The following MDN1 variants were observed in gnomAD, a reference collection of about 807,000 sequenced individuals.
The protein encoded by MDN1 is midasin AAA ATPase 1.
A neutral mutation model predicts 669.2 loss-of-function variants in MDN1; 266 were observed. The ratio of observed to expected loss-of-function variants is 0.40; its 90% CI spans 0.36 to 0.44. The LOEUF is 0.44. Ranked by LOEUF, MDN1 falls within the 20% of genes least tolerant of loss-of-function variation. The probability of loss-of-function intolerance (pLI) is 1.00; values close to 1 mark genes in which losing one functional copy is unlikely to be tolerated. For synonymous variants in MDN1, 2,385 were observed against 2,457.1 expected, an observed-to-expected ratio of 0.97 and a Z score of 0.87; for missense variants, 5,940 against 6,754.0, an observed-to-expected ratio of 0.88 and a Z score of 4.22.
In MDN1 at chr6:89,700,726, G is replaced by A. The variant is rs749595960; in HGVS notation, c.8558C>T (p.Ser2853Phe). The A allele has an allele frequency of 1.2e-6, 2 of 1,614,172 alleles. No homozygotes were observed. Among genetic ancestry groups the A allele is most frequent in the East Asian group, 2.2e-5 (1 of 44,886 alleles). ...EDINRLQVVASQWTLKKSLLQ... is the reference protein window; with the variant it reads ...EDINRLQVVAFQWTLKKSLLQ... ...GAGACTTTTCTTTAATGTCCACTGAGAAGCAACCACTTGGAGACGGTTAAT... is the reference window on the plus strand; with the variant it reads ...GAGACTTTTCTTTAATGTCCACTGAAAAGCAACCACTTGGAGACGGTTAAT... Residue 2853 changes from serine to phenylalanine, a missense_variant, in exon 56 of 102, where the codon TCT becomes TTT. Around this residue, in one of 5 missense-constraint regions of MDN1, gnomAD observed 2,292 missense variants for 2,638.3 expected, o/e 0.87. Transcript: ENST00000369393.
chr6:89,664,738 A>G, intron 84 of MDN1, 110 bp from the exon 85 acceptor site: 2 of 800,058 alleles, frequency 2.5e-6, no homozygotes, highest in Non-Finnish European at 3.7e-6. Flanking sequence ...TGGGAGAGGA[A>G]AAAAAAAGAG....
chr6:89,734,691 A>AAACGAGAGAGAGAGAG (rs1554188774), intron 33 of MDN1, among the ~76,000 whole-genome samples: 1 of 112,988 alleles, frequency 8.9e-6, no homozygotes, highest in Non-Finnish European at 1.7e-5. Flanking sequence ...AAAAAAAAAC[A>AAACGAGAGAGAGAGAG]AGAGAGAGAG....
intron 41 of MDN1, 42 bp from the exon 42 acceptor site, chr6:89,719,072 T>C (rs369009416): frequency 9.9e-6 from 16 of 1,613,398 alleles, no homozygotes; most frequent in African/African-American, 1.3e-5. Flanking sequence ...GCGTGCCTGG[T>C]AGTGGGAGCA....
rs7752400 is a variant in MDN1 at position 89,682,721 on chromosome 6, A to C, written c.12102+411T>G. 1.6e-4 allele frequency among the ~76,000 whole-genome samples: 24 copies of C among 148,430 alleles called. 3 individuals carry two copies. Among genetic ancestry groups the C allele is most frequent in the Admixed American group, 8.7e-4 (13 of 14,904 alleles). On this transcript the variant is annotated intron_variant, in intron 73 of 101. Transcript: ENST00000369393. ...TCTTAAAAAAAAAAAAAAAAAAAAA[A>C]AAAAAACTAAAAGTTCAAGACCAGC...
chr6:89,706,221 C>G, intron 52 of MDN1, 29 bp from the exon 53 acceptor site: 1 of 1,591,638 alleles, frequency 6.3e-7, no homozygotes, highest in African/African-American at 1.3e-5. Context: ...AAAATGAGAA[C>G]ATTTCATCAG....
chr6:89,793,714 G>T, intron 5 of MDN1, 48 bp downstream of exon 5: 1 of 1,500,984 alleles, frequency 6.7e-7, no homozygotes, highest in Non-Finnish European at 9.1e-7. Flanking sequence ...AGCACACTCA[G>T]TGTTTAGTAG....
chr6:89,819,702 A>T lies in MDN1; in HGVS notation c.-95T>A. The T allele has an allele frequency of 1.0e-6, 1 of 997,346 alleles. No homozygotes were observed. Among genetic ancestry groups the T allele is most frequent in the East Asian group, 2.4e-5 (1 of 41,644 alleles). 61.8% of individuals were successfully genotyped at this position (997,346 alleles called of 1,614,324 possible). On this transcript the variant is annotated 5_prime_UTR_variant, in exon 1 of 102. Transcript: ENST00000369393. ...AGGTCCCAGTGCCCGAGCAGCCAGC[A>T]ACTACGCCCGCAGGAAAGGCGTCCT... is the stretch of plus-strand genomic sequence containing the variant.
intron 40 of MDN1, among the ~76,000 whole-genome samples, chr6:89,721,379 C>G (rs553949185): frequency 6.6e-6 from 1 of 152,286 alleles, no homozygotes; most frequent in East Asian, 1.9e-4. Flanking sequence ...TTGTCTGGAC[C>G]AGCTTAACGG....
intron 65 of MDN1, among the ~76,000 whole-genome samples, chr6:89,689,063 G>C (rs182423837): frequency 7.6e-4 from 116 of 152,288 alleles, no homozygotes; most frequent in Non-Finnish European, 1.4e-3. Flanking sequence ...CTTCTTGCGG[G>C]CCTGAGGCAC....
intron 39 of MDN1, 65 bp from the exon 40 acceptor site, chr6:89,723,208 T>C (rs1400024500): frequency 1.4e-6 from 2 of 1,459,480 alleles, no homozygotes; most frequent in East Asian, 2.3e-5. Context: ...CATTAAGTAC[T>C]AGGAATGTAC....
intron 61 of MDN1, 37 bp from the exon 62 acceptor site, chr6:89,694,220 A>G (rs1331177250): frequency 6.5e-7 from 1 of 1,529,304 alleles, no homozygotes; most frequent in Admixed American, 1.7e-5. Flanking sequence ...ACTGTGTCCC[A>G]GCTATGACCA....
chr6:89,731,231 T>A (rs1815574118), intron 34 of MDN1, among the ~76,000 whole-genome samples: 2 of 152,176 alleles, frequency 1.3e-5, no homozygotes, highest in African/African-American at 2.4e-5. Flanking sequence ...TCTTCATGGC[T>A]GAAAAACCAC....
In MDN1 at chr6:89,694,142, T is replaced by A; in HGVS notation, c.9813A>T (p.Ser3271=). The part of the protein sequence containing the change: ...LQCEWKTRNL[S]SQLQTGRDLE... ...GGTCTCTTCCAGTCTGCAGCTGGGA[T>A]GACAGGTTCCGGGTCTTCCATTCAC... The change falls in exon 62 of 102, where the codon TCA becomes TCT. Residue 3271 remains serine, a synonymous_variant. Coordinates refer to ENST00000369393, the MANE Select transcript of MDN1 (RefSeq NM_014611.3). 1 of 1,614,202 alleles carries A rather than the reference T, an allele frequency of 6.2e-7. No homozygotes were observed. Among genetic ancestry groups the A allele is most frequent in the Non-Finnish European group, 8.5e-7 (1 of 1,180,022 alleles).
chr6:89,714,106 C>T (rs1814160296), intron 46 of MDN1, among the ~76,000 whole-genome samples: 1 of 151,700 alleles, frequency 6.6e-6, no homozygotes, highest in South Asian at 2.1e-4. Flanking sequence ...GAGTAGTTAT[C>T]CAACAAGCAA....
At chr6:89,658,062 A>G in intron 90 of MDN1, 147 bp downstream of exon 90, 1 of 895,452 alleles carries the variant, frequency 1.1e-6, no homozygotes, top group Non-Finnish European at 1.7e-6. Flanking sequence ...TTAAAGAATG[A>G]GATGTGGTCT....
At chr6:89,716,034 T>A (rs1439583456) in intron 44 of MDN1, among the ~76,000 whole-genome samples, 1 of 152,208 alleles carries the variant, frequency 6.6e-6, no homozygotes, top group African/African-American at 2.4e-5. Flanking sequence ...GATAAGTTCC[T>A]TGCACTATAA....
At chr6:89,699,248 C>T (rs1449116209) in intron 58 of MDN1, among the ~76,000 whole-genome samples, 1 of 152,144 alleles carries the variant, frequency 6.6e-6, no homozygotes, top group Non-Finnish European at 1.5e-5. Context: ...ATTCTATTAA[C>T]AGGAGTGTAC....
At chr6:89,717,971 AT>A (rs1814520832) in intron 43 of MDN1, among the ~76,000 whole-genome samples, 1 of 152,208 alleles carries the variant, frequency 6.6e-6, no homozygotes, top group Non-Finnish European at 1.5e-5. Flanking sequence ...AGGATGATAT[AT>A]TTCCTCCATC....
At chr6:89,676,026 T>A (rs1584155986) in intron 77 of MDN1, 76 bp downstream of exon 77, 2 of 1,346,420 alleles carry the variant, frequency 1.5e-6, no homozygotes, top group East Asian at 2.3e-5. Context: ...TAACAAGGTC[T>A]GAGAATACAG....
Sources: gnomAD v4.1 joint callset for allele counts (sites outside exome capture counted in the v4.1 genomes callset) on GRCh38, gnomAD v4.1.1 for gene constraint, gnomAD v4.1.1 regional missense constraint, MANE v1.5 for transcripts, NCBI Gene and HGNC (gene_info 2026-07-23, HGNC 2026-07-21) for gene names.